The following MRPS27 variants were observed in gnomAD, a reference collection of about 807,000 sequenced individuals.
MRPS27 encodes small ribosomal subunit protein mS27.
MRPS27 carries 43 observed loss-of-function variants against 48.9 expected under a neutral mutation model. The observed-to-expected ratio is 0.88, with a 90% CI of 0.69 to 1.13. MRPS27 has a LOEUF of 1.13. Ranked by LOEUF, MRPS27 falls within the 50% of genes most tolerant of loss-of-function variation. The probability of loss-of-function intolerance (pLI) is 0.00; values close to 1 mark genes in which losing one functional copy is unlikely to be tolerated. For missense variants in MRPS27, 467 were observed against 476.3 expected (o/e 0.98, Z 0.18); for synonymous variants, 188 against 171.9 (o/e 1.09, Z -0.73).
chr5:72,226,034 T>C (rs1747884894), intron 9 of MRPS27, 23 bp downstream of exon 9: 13 of 1,592,092 alleles, frequency 8.2e-6, no homozygotes, highest in Non-Finnish European at 1.1e-5. Context: ...TAAATCTCAC[T>C]GCCTTAGAGC....
chr5:72,279,788 T>C (rs952631520), intron 4 of MRPS27, among the ~76,000 whole-genome samples: 2 of 152,078 alleles, frequency 1.3e-5, no homozygotes, highest in Non-Finnish European at 2.9e-5. Flanking sequence ...AAAAAACAAA[T>C]CCTTCAGTGT....
intron 4 of MRPS27, among the ~76,000 whole-genome samples, chr5:72,253,847 C>G (rs1398326548): frequency 6.6e-6 from 1 of 152,154 alleles, no homozygotes; most frequent in Non-Finnish European, 1.5e-5. Flanking sequence ...CAGGATTACA[C>G]TGAGTAGTGA....
intron 2 of MRPS27, among the ~76,000 whole-genome samples, chr5:72,306,480 A>G (rs373913395): frequency 2.0e-5 from 3 of 152,224 alleles, no homozygotes; most frequent in Non-Finnish European, 4.4e-5. Flanking sequence ...GGAGCACGCT[A>G]AACACCACAA....
chr5:72,263,442 A>T (rs1292410825), intron 4 of MRPS27, among the ~76,000 whole-genome samples: 2 of 151,866 alleles, frequency 1.3e-5, no homozygotes, highest in Non-Finnish European at 2.9e-5. Flanking sequence ...CATCAAAATT[A>T]AAAACTTTTT....
At chr5:72,314,287 C>T in intron 1 of MRPS27, 129 bp from the exon 2 acceptor site, 1 of 558,864 alleles carries the variant, frequency 1.8e-6, no homozygotes, top group South Asian at 3.7e-5. Flanking sequence ...TAATACAGTA[C>T]AGCAACCAAT....
intron 4 of MRPS27, among the ~76,000 whole-genome samples, chr5:72,241,306 A>G (rs1267723659): frequency 6.6e-6 from 1 of 152,204 alleles, no homozygotes; most frequent in Non-Finnish European, 1.5e-5. Flanking sequence ...GACATTTTCA[A>G]TGAACTCTCA....
At position 72,238,022 on chromosome 5, in the gene MRPS27, C is replaced by T; in HGVS notation, c.388G>A (p.Val130Ile). The change falls in exon 5 of 11, where the codon GTA becomes ATA. Residue 130 changes from valine (V) to isoleucine (I), a missense_variant. Physicochemically the swap from Val to Ile is conservative, Grantham distance 29. Coordinates refer to ENST00000261413, the MANE Select transcript of MRPS27 (RefSeq NM_015084.3). ...TCCACGGAACAACTCACCTTATTTA[C>T]AAGGGTATATAGGGCTTTGTCTTGT... ...DAQDKALYTL[V>I]NKVQYGIFPD... The T allele has an allele frequency of 1.2e-6, 2 of 1,610,032 alleles. No individual in the cohort carries two copies. Among genetic ancestry groups the T allele is most frequent in the South Asian group, 1.1e-5 (1 of 90,958 alleles).
intron 4 of MRPS27, among the ~76,000 whole-genome samples, chr5:72,260,719 A>G (rs1304660437): frequency 1.3e-5 from 2 of 152,232 alleles, no homozygotes. Context: ...ATCTAGTCTA[A>G]TAATGAAATG....
chr5:72,234,457 C>T (rs1416110590), intron 5 of MRPS27, among the ~76,000 whole-genome samples: 3 of 151,380 alleles, frequency 2.0e-5, no homozygotes, highest in Non-Finnish European at 4.4e-5. Context: ...CCAATTCTAA[C>T]ACCTCATCAT....
chr5:72,268,168 A>T (rs1749147161), intron 4 of MRPS27, among the ~76,000 whole-genome samples: 1 of 151,560 alleles, frequency 6.6e-6, no homozygotes, highest in Non-Finnish European at 1.5e-5. Context: ...CCCTAAAAAG[A>T]AAAAAAAATT....
In MRPS27 at chr5:72,246,801, C is replaced by A. The variant is rs182497747; in HGVS notation, c.282-8673G>T. ...TGTATATAGTGAGATAAAATGATTT[C>A]CCCAAGATAGTTAGCAATAGGACCT... On this transcript the variant is annotated intron_variant, in intron 4 of 10. Coordinates refer to ENST00000261413, the MANE Select transcript of MRPS27 (RefSeq NM_015084.3). Among the ~76,000 whole-genome samples the A allele has an allele frequency of 5.1e-3, 775 of 152,236 alleles. 3 individuals are homozygous for A. The highest frequency in any genetic ancestry group is 0.018 in the African/African-American group (745 of 41,542).
intron 2 of MRPS27, among the ~76,000 whole-genome samples, chr5:72,304,385 G>A (rs781255652): frequency 2.6e-5 from 4 of 151,990 alleles, no homozygotes; most frequent in Non-Finnish European, 5.9e-5. Context: ...GTAAATAGAC[G>A]AAATTTTCTA....
chr5:72,236,439 G>T (rs554969455), intron 5 of MRPS27, among the ~76,000 whole-genome samples: 38 of 152,258 alleles, frequency 2.5e-4, no homozygotes, highest in African/African-American at 9.1e-4. Flanking sequence ...TTTCTAGTTT[G>T]ATGTTCTTTC....
rs1038603980 is a variant in MRPS27, at chr5:72,277,855, C to T, written c.281+17676G>A. ...AACCCAGGAACAGAAAATCAAACAC[C>T]GCATGCTCTCATAAGTGGGAGCTGA... On this transcript the variant is annotated intron_variant, in intron 4 of 10. Transcript: ENST00000261413. 5.3e-5 allele frequency among the ~76,000 whole-genome samples: 8 copies of T among 152,062 alleles called. No homozygotes were observed. The East Asian group carries it at 5.8e-4, about 11-fold the overall frequency.
intron 4 of MRPS27, among the ~76,000 whole-genome samples, chr5:72,274,164 G>A (rs537409294): frequency 3.3e-5 from 5 of 152,156 alleles, no homozygotes; most frequent in Non-Finnish European, 7.3e-5. Flanking sequence ...GACCAGTCTG[G>A]TCAATACGGT....
chr5:72,223,715 A>G lies in MRPS27; in HGVS notation c.973T>C (p.Ser325Pro). ...EQLDIEETEQ[S>P]KLPQYLERFK... ...CGTTCCAGGTATTGAGGAAGCTTGG[A>G]CTGCTCTGTTTCCTCGATGTCTAAC... The change falls in exon 10 of 11, where the codon TCC becomes CCC. Residue 325 changes from serine (S) to proline (P), a missense_variant. Transcript: ENST00000261413. 6.2e-7 allele frequency: 1 copy of G among 1,613,996 alleles called. No individual in the cohort carries two copies. The highest frequency in any genetic ancestry group is 2.2e-5 in the East Asian group (1 of 44,872).
chr5:72,267,934 T>C (rs1487476911), intron 4 of MRPS27, among the ~76,000 whole-genome samples: 1 of 152,074 alleles, frequency 6.6e-6, no homozygotes, highest in Non-Finnish European at 1.5e-5. Flanking sequence ...GATCTGCAAG[T>C]AGAGCCCAAA....
At chr5:72,300,976 G>A (rs901697813) in intron 2 of MRPS27, among the ~76,000 whole-genome samples, 1 of 152,098 alleles carries the variant, frequency 6.6e-6, no homozygotes, top group Non-Finnish European at 1.5e-5. Flanking sequence ...AATACCTAAA[G>A]AAATGAATCA....
At chr5:72,287,510 C>G (rs190434352) in intron 4 of MRPS27, among the ~76,000 whole-genome samples, 2 of 152,040 alleles carry the variant, frequency 1.3e-5, no homozygotes, top group East Asian at 3.9e-4. Flanking sequence ...GTGGTGGCAA[C>G]TGCCTGTAAT....
Sources: gnomAD v4.1 joint callset for allele counts (sites outside exome capture counted in the v4.1 genomes callset) on GRCh38, gnomAD v4.1.1 for gene constraint, MANE v1.5 for transcripts, NCBI Gene and HGNC (gene_info 2026-07-23, HGNC 2026-07-21) for gene names.